MALRD1: variants seen among roughly 807,000 people sequenced by gnomAD.
The protein encoded by MALRD1 is MAM and LDL-receptor class A domain-containing protein 1.
MALRD1 carries 247 observed loss-of-function variants against 242.1 expected under a neutral mutation model. The observed-to-expected ratio is 1.02, with a 90% CI of 0.92 to 1.13. The LOEUF (loss-of-function observed/expected upper bound fraction) is 1.13, where lower values mean the gene tolerates loss of function less well. MALRD1 is among the 50% of genes most tolerant of loss of function. MALRD1 has a pLI of 0.00. For missense variants in MALRD1, 2,989 were observed against 2,533.1 expected, an observed-to-expected ratio of 1.18 and a Z score of -3.86; for synonymous variants, 995 against 866.6, an observed-to-expected ratio of 1.15 and a Z score of -2.60.
rs183710226 is a variant in MALRD1 at position 19,645,413 on chromosome 10, A to G, written c.6137+29490A>G. On this transcript the variant is annotated intron_variant, in intron 36 of 39. Coordinates refer to ENST00000454679, the MANE Select transcript of MALRD1 (RefSeq NM_001142308.3). The stretch of plus-strand genomic sequence containing the variant: ...AAAGGATTATAAATCATGCTGCTAT[A>G]AAGACACATGCACACATACGTTTAT... Among the ~76,000 whole-genome samples, 137 of 152,340 alleles carry G rather than the reference A, an allele frequency of 9.0e-4. 1 individual carries two copies. Among genetic ancestry groups the G allele is most frequent in the Admixed American group, 5.6e-3 (86 of 15,306 alleles).
At chr10:19,095,969 C>G (rs1460260433) in intron 4 of MALRD1, among the ~76,000 whole-genome samples, 2 of 152,132 alleles carry the variant, frequency 1.3e-5, no homozygotes, top group African/African-American at 4.8e-5. Flanking sequence ...AGAATCTTAT[C>G]TATGGGTCCA....
At chr10:19,157,940 A>T (rs1834237608) in intron 12 of MALRD1, among the ~76,000 whole-genome samples, 1 of 152,200 alleles carries the variant, frequency 6.6e-6, no homozygotes, top group African/African-American at 2.4e-5. Flanking sequence ...AACACATGGC[A>T]TCAGCATGGA....
intron 36 of MALRD1, among the ~76,000 whole-genome samples, chr10:19,640,893 A>G (rs1037538539): frequency 1.3e-5 from 2 of 152,190 alleles, no homozygotes; most frequent in Non-Finnish European, 2.9e-5. Flanking sequence ...ATAATTTGTT[A>G]GAATAATGGA....
At chr10:19,655,530 GTATATATATATATATATATATATATA>G (rs56752723) in intron 36 of MALRD1, among the ~76,000 whole-genome samples, 3 of 108,832 alleles carry the variant, frequency 2.8e-5, no homozygotes, top group Middle Eastern at 5.6e-3. Context: ...ATGTGTGAGT[GTATATATATATATATATATATATATA>G]TATATATATA....
chr10:19,298,955 C>A (rs1406755220), intron 21 of MALRD1, among the ~76,000 whole-genome samples: 1 of 151,808 alleles, frequency 6.6e-6, no homozygotes, highest in Non-Finnish European at 1.5e-5. Flanking sequence ...AACTAGAATT[C>A]TATACCTGGT....
chr10:19,590,364 A>G (rs976954131), intron 33 of MALRD1, among the ~76,000 whole-genome samples: 6 of 147,896 alleles, frequency 4.1e-5, no homozygotes, highest in Non-Finnish European at 7.4e-5. Flanking sequence ...ATATATGTAT[A>G]TGTCTATATA....
At chr10:19,066,095 C>T (rs547535322) in intron 1 of MALRD1, among the ~76,000 whole-genome samples, 9 of 152,122 alleles carry the variant, frequency 5.9e-5, no homozygotes, top group East Asian at 1.9e-4. Flanking sequence ...ATAACCTATA[C>T]GTATCCTCCT....
At chr10:19,229,683 A>G (rs1475678393) in intron 18 of MALRD1, among the ~76,000 whole-genome samples, 3 of 152,140 alleles carry the variant, frequency 2.0e-5, no homozygotes, top group African/African-American at 7.2e-5. Flanking sequence ...GAAAAACAAG[A>G]CAGAAAACAA....
chr10:19,277,000 G>C (rs1195259326), intron 19 of MALRD1, among the ~76,000 whole-genome samples: 1 of 152,002 alleles, frequency 6.6e-6, no homozygotes, highest in African/African-American at 2.4e-5. Context: ...GCTCACTGCA[G>C]CCTCAACCTC....
intron 36 of MALRD1, among the ~76,000 whole-genome samples, chr10:19,688,736 C>T (rs1013921603): frequency 6.6e-6 from 1 of 152,222 alleles, no homozygotes; most frequent in Admixed American, 6.5e-5. Context: ...AACTTCAACA[C>T]ACCGTTCTAG....
chr10:19,244,566 A>C (rs903982644), intron 18 of MALRD1, among the ~76,000 whole-genome samples: 3 of 151,990 alleles, frequency 2.0e-5, no homozygotes, highest in East Asian at 3.9e-4. Context: ...CCCTGTTTCA[A>C]AAAAACAAAA....
At position 19,236,750 on chromosome 10, in the gene MALRD1, C is replaced by T. The variant is rs144338611; in HGVS notation, c.2992-20934C>T. ...ATACTTTAAAATTTTATTTCAGATA[C>T]GTTTTTCATTTTTATAAGCTTCATC... On this transcript the variant is annotated intron_variant, in intron 18 of 39. Coordinates refer to ENST00000454679, the MANE Select transcript of MALRD1 (RefSeq NM_001142308.3). Among the ~76,000 whole-genome samples the T allele has an allele frequency of 2.6e-4, 40 of 152,130 alleles. 2 individuals carry two copies. In the South Asian group the frequency reaches 6.4e-3, roughly 24 times the overall value.
chr10:19,732,608 G>A (rs1835341821), intron 39 of MALRD1, among the ~76,000 whole-genome samples: 1 of 152,168 alleles, frequency 6.6e-6, no homozygotes, highest in Admixed American at 6.5e-5. Flanking sequence ...AACTTTTAGT[G>A]TCTGAAAGGT....
intron 31 of MALRD1, among the ~76,000 whole-genome samples, chr10:19,503,973 T>G (rs577693964): frequency 2.6e-5 from 4 of 152,314 alleles, no homozygotes; most frequent in Admixed American, 2.6e-4. Flanking sequence ...GCATACAAGC[T>G]TACTATCATG....
rs372523537 is a variant in MALRD1, at chr10:19,173,864, G to A, written c.1831-1344G>A. On this transcript the variant is annotated intron_variant, in intron 13 of 39. Transcript: ENST00000454679. The stretch of plus-strand genomic sequence containing the variant: ...TCTTATACAGCATTTATGATGTAGG[G>A]TAGTGAATGTATCATACGAAGTGTA... 8.5e-5 allele frequency among the ~76,000 whole-genome samples: 13 copies of A among 152,190 alleles called. No homozygotes were observed. In the East Asian group the frequency reaches 2.5e-3, roughly 29 times the overall value.
At chr10:19,412,001 G>T (rs1207657184) in intron 28 of MALRD1, among the ~76,000 whole-genome samples, 1 of 152,110 alleles carries the variant, frequency 6.6e-6, no homozygotes, top group Admixed American at 6.6e-5. Flanking sequence ...ACATGTAATG[G>T]TATTAAGAAG....
intron 36 of MALRD1, among the ~76,000 whole-genome samples, chr10:19,617,784 A>G (rs1839228093): frequency 6.6e-6 from 1 of 151,928 alleles, no homozygotes; most frequent in African/African-American, 2.4e-5. Flanking sequence ...TTCAGGGTTT[A>G]TTTTAGGTTC....
chr10:19,527,539 CA>C (rs1834158554), intron 31 of MALRD1, among the ~76,000 whole-genome samples: 1 of 152,074 alleles, frequency 6.6e-6, no homozygotes, highest in African/African-American at 2.4e-5. Context: ...GACACTACAA[CA>C]TGGAAAAAGA....
intron 38 of MALRD1, chr10:19,722,721 GA>G (rs1420364311): frequency 2.6e-5 from 4 of 151,116 alleles, no homozygotes; most frequent in Admixed American, 6.6e-5. Context: ...GGGGTCAGGA[GA>G]AAGAAGCAGG....
Sources: gnomAD v4.1 joint callset for allele counts (sites outside exome capture counted in the v4.1 genomes callset) on GRCh38, gnomAD v4.1.1 for gene constraint, MANE v1.5 for transcripts, NCBI Gene and HGNC (gene_info 2026-07-23, HGNC 2026-07-21) for gene names.